Variants in MYO5B observed in about 807,000 individuals in gnomAD.
The protein encoded by MYO5B is unconventional myosin-Vb.
Under a neutral mutation model 229.3 loss-of-function variants are expected in MYO5B, and 143 were observed. That is an observed-to-expected ratio of 0.62 (90% confidence interval 0.54 to 0.72). MYO5B has a LOEUF of 0.72. Ranked by LOEUF, MYO5B falls within the 30% of genes least tolerant of loss-of-function variation. MYO5B has a pLI of 0.00. For missense variants in MYO5B, 2,321 were observed against 2,331.0 expected, an observed-to-expected ratio of 1.00 and a Z score of 0.09; for synonymous variants, 918 against 885.2, an observed-to-expected ratio of 1.04 and a Z score of -0.66.
chr18:49,904,467 T>C (rs1020889355), intron 20 of MYO5B, among the ~76,000 whole-genome samples: 2 of 152,236 alleles, frequency 1.3e-5, no homozygotes, highest in Non-Finnish European at 2.9e-5. Flanking sequence ...GATATTGTTA[T>C]AGCAACATTT....
chr18:50,040,077 G>A, intron 3 of MYO5B, 66 bp downstream of exon 3: 1 of 1,533,620 alleles, frequency 6.5e-7, no homozygotes, highest in Non-Finnish European at 9.0e-7. Context: ...AAGCATTTGA[G>A]TTGAGCAAGT....
At chr18:50,144,264 A>G (rs1356120533) in intron 1 of MYO5B, among the ~76,000 whole-genome samples, 2 of 152,232 alleles carry the variant, frequency 1.3e-5, no homozygotes, top group East Asian at 1.9e-4. Flanking sequence ...CCCATGGTAT[A>G]GAAGACTAGA....
intron 1 of MYO5B, among the ~76,000 whole-genome samples, chr18:50,083,298 G>A (rs756411333): frequency 3.3e-5 from 5 of 152,142 alleles, no homozygotes; most frequent in Non-Finnish European, 7.3e-5. Flanking sequence ...AAAGTTTCAT[G>A]ACATGGGCAT....
intron 35 of MYO5B, 109 bp from the exon 36 acceptor site, chr18:49,839,403 T>C: frequency 8.3e-7 from 1 of 1,199,508 alleles, no homozygotes; most frequent in Admixed American, 1.7e-5. Context: ...GGGGGCCTAC[T>C]CAGGCCCTCC....
intron 1 of MYO5B, among the ~76,000 whole-genome samples, chr18:50,113,520 T>C (rs1253585287): frequency 2.0e-5 from 3 of 152,242 alleles, no homozygotes; most frequent in Non-Finnish European, 4.4e-5. Context: ...ATTATTAAAG[T>C]TAGGAAGCTG....
intron 1 of MYO5B, among the ~76,000 whole-genome samples, chr18:50,056,389 C>T (rs2144419621): frequency 1.3e-5 from 2 of 152,300 alleles, no homozygotes; most frequent in South Asian, 4.1e-4. Context: ...CTAATGAGTG[C>T]TGAATGGCAG....
At position 50,120,465 on chromosome 18, in the gene MYO5B, T is replaced by C. The variant is rs1385000241; in HGVS notation, c.28-65087A>G. On this transcript the variant is annotated intron_variant, in intron 1 of 39. Coordinates refer to ENST00000285039, the MANE Select transcript of MYO5B (RefSeq NM_001080467.3). ...CGTTGCTGGGACCCAGAGAATCCCA[T>C]GTGAGGTCTCAACGGGCCATGTCCT... 3.3e-5 allele frequency among the ~76,000 whole-genome samples: 5 copies of C among 152,240 alleles called. No homozygotes were observed. The East Asian group carries it at 7.7e-4, about 24-fold the overall frequency.
At position 50,171,869 on chromosome 18, in the gene MYO5B, C is replaced by T. The variant is rs187079842; in HGVS notation, c.27+22898G>A. ...AATACAGAGAGAAAGCCAGAAGAGG[C>T]TCCTCATATAACAGCCAAATCCAAA... On this transcript the variant is annotated intron_variant, in intron 1 of 39. Coordinates refer to ENST00000285039, the MANE Select transcript of MYO5B (RefSeq NM_001080467.3). Among the ~76,000 whole-genome samples, 21 of 128,084 alleles carry T rather than the reference C, an allele frequency of 1.6e-4. 5 individuals carry two copies. Among genetic ancestry groups the T allele is most frequent in the Admixed American group, 1.4e-3 (17 of 12,018 alleles). 84.0% of individuals were successfully genotyped at this position (128,084 alleles called of 152,430 possible).
chr18:50,107,674 T>C (rs1363934046), intron 1 of MYO5B, among the ~76,000 whole-genome samples: 6 of 152,202 alleles, frequency 3.9e-5, no homozygotes, highest in African/African-American at 1.2e-4. Context: ...CACACAGCAC[T>C]ACACATCTGT....
chr18:49,963,957 A>T (rs533738639), intron 10 of MYO5B, among the ~76,000 whole-genome samples: 122 of 152,260 alleles, frequency 8.0e-4, no homozygotes, highest in South Asian at 3.3e-3. Context: ...GGACACCTTT[A>T]CTTAATTAAC....
At chr18:50,027,795 G>A (rs79529316) in intron 4 of MYO5B, among the ~76,000 whole-genome samples, 198 of 152,190 alleles carry the variant, frequency 1.3e-3, no homozygotes, top group African/African-American at 4.4e-3. Context: ...ATCAAGCTAG[G>A]GAGACCTGAT....
At chr18:50,181,037 G>A (rs1013586256) in intron 1 of MYO5B, among the ~76,000 whole-genome samples, 2 of 152,176 alleles carry the variant, frequency 1.3e-5, no homozygotes, top group Admixed American at 6.5e-5. Flanking sequence ...ACAGCAGGGG[G>A]AAGAGAGTAA....
chr18:49,953,302 G>A lies in MYO5B; in HGVS notation c.1710C>T (p.Asp570=), dbSNP rs1171078570. 2.5e-6 allele frequency: 4 copies of A among 1,614,088 alleles called. No individual in the cohort carries two copies. The highest frequency in any genetic ancestry group is 1.7e-5 in the Admixed American group (1 of 60,014). ...TATTGATCTGCTCTTCATACACCGT[G>A]TCTCTGTTTTTCTCCAGAAAACCAT... ...LSDGFLEKNR[D]TVYEEQINIL... is the part of the protein sequence containing the mutation. The change falls in exon 14 of 40, where the codon GAC becomes GAT. Residue 570 remains aspartate, a synonymous_variant. Coordinates refer to ENST00000285039, the MANE Select transcript of MYO5B (RefSeq NM_001080467.3).
At chr18:49,967,891 C>T (rs1487146226) in intron 10 of MYO5B, among the ~76,000 whole-genome samples, 1 of 152,172 alleles carries the variant, frequency 6.6e-6, no homozygotes, top group Non-Finnish European at 1.5e-5. Flanking sequence ...CAATCCCAGG[C>T]ACTGTTCACA....
intron 4 of MYO5B, among the ~76,000 whole-genome samples, chr18:50,014,094 A>G (rs2026191135): frequency 6.6e-6 from 1 of 152,222 alleles, no homozygotes; most frequent in Non-Finnish European, 1.5e-5. Context: ...AAAAAGTAGT[A>G]AAACCAGGTT....
chr18:50,168,172 C>G (rs1024541794), intron 1 of MYO5B, among the ~76,000 whole-genome samples: 1 of 152,202 alleles, frequency 6.6e-6, no homozygotes, highest in Non-Finnish European at 1.5e-5. Flanking sequence ...GTGCTCTTGG[C>G]TTCATCACTC....
chr18:49,889,104 T>TC (rs2024679810), intron 22 of MYO5B, among the ~76,000 whole-genome samples: 1 of 152,246 alleles, frequency 6.6e-6, no homozygotes, highest in Non-Finnish European at 1.5e-5. Context: ...GAGCCTGCAT[T>TC]CCCTCAGTCA....
chr18:49,972,296 T>C (rs1417573652), intron 10 of MYO5B, among the ~76,000 whole-genome samples: 2 of 152,178 alleles, frequency 1.3e-5, no homozygotes, highest in African/African-American at 2.4e-5. Flanking sequence ...AATCCCAGCT[T>C]GCACAAACCG....
chr18:50,043,290 A>AT (rs1409587668), intron 2 of MYO5B, among the ~76,000 whole-genome samples: 1 of 83,478 alleles, frequency 1.2e-5, no homozygotes, highest in African/African-American at 4.7e-5. Flanking sequence ...ATATTTATAT[A>AT]TTATATATAA....
Sources: allele counts gnomAD v4.1 joint callset (sites outside exome capture counted in the v4.1 genomes callset), GRCh38; gene constraint gnomAD v4.1.1; transcripts MANE v1.5; gene names NCBI Gene and HGNC (gene_info 2026-07-23, HGNC 2026-07-21).